PDE10A: variants seen among roughly 807,000 people sequenced by gnomAD.
PDE10A encodes the protein phosphodiesterase 10A, also known as cAMP and cAMP-inhibited cGMP 3',5'-cyclic phosphodiesterase 10A.
A neutral mutation model predicts 97.7 loss-of-function variants in PDE10A; 39 were observed. The ratio of observed to expected loss-of-function variants is 0.40; its 90% CI spans 0.31 to 0.52. The LOEUF is 0.52. PDE10A is among the 20% of genes least tolerant of loss of function. The pLI is 0.56. For synonymous variants in PDE10A, 371 were observed against 376.8 expected, an observed-to-expected ratio of 0.98 and a Z score of 0.18; for missense variants, 731 against 1,047.8, an observed-to-expected ratio of 0.70 and a Z score of 4.17.
chr6:165,763,676 A>G (rs753609039), intron 1 of PDE10A, among the ~76,000 whole-genome samples: 14 of 152,182 alleles, frequency 9.2e-5, no homozygotes, highest in South Asian at 8.3e-4. Flanking sequence ...TGTTTCCATC[A>G]TGTATGTCTA....
chr6:165,425,292 A>T (rs1397107324), intron 10 of PDE10A, among the ~76,000 whole-genome samples: 2 of 152,178 alleles, frequency 1.3e-5, no homozygotes, highest in East Asian at 3.8e-4. Flanking sequence ...TGAAGATATC[A>T]ATTCAAGTTT....
intron 1 of PDE10A, chr6:165,773,160 C>T (rs748370922): frequency 1.3e-5 from 2 of 152,190 alleles, no homozygotes; most frequent in Non-Finnish European, 2.9e-5. Flanking sequence ...TGGTCGCTTC[C>T]AACTTTGGCA....
chr6:165,750,449 G>T (rs2128455876), intron 1 of PDE10A, among the ~76,000 whole-genome samples: 1 of 152,264 alleles, frequency 6.6e-6, no homozygotes, highest in East Asian at 1.9e-4. Context: ...GGCCAGGCCA[G>T]CTGGGCTGCC....
At chr6:165,961,544 G>A (rs760698161) in intron 1 of PDE10A, among the ~76,000 whole-genome samples, 3 of 152,168 alleles carry the variant, frequency 2.0e-5, no homozygotes, top group African/African-American at 4.8e-5. Context: ...TGACGTCAGC[G>A]AGGGCTCCAC....
At chr6:165,875,734 T>TTTTTTTTTTTTTTTTTTTTTG (rs1781319973) in intron 1 of PDE10A, among the ~76,000 whole-genome samples, 1 of 121,694 alleles carries the variant, frequency 8.2e-6, no homozygotes, top group Non-Finnish European at 1.7e-5. Context: ...TTTTACTGTT[T>TTTTTTTTTTTTTTTTTTTTTG]TTTTTTTTTT....
At chr6:165,476,309 A>G (rs751024470) in intron 3 of PDE10A, among the ~76,000 whole-genome samples, 8 of 152,200 alleles carry the variant, frequency 5.3e-5, no homozygotes, top group Non-Finnish European at 2.9e-5. Context: ...CAAGATAATT[A>G]AAGAATTAAC....
At chr6:165,352,846 T>G (rs1782782831) in intron 18 of PDE10A, among the ~76,000 whole-genome samples, 2 of 152,120 alleles carry the variant, frequency 1.3e-5, no homozygotes, top group Non-Finnish European at 2.9e-5. Context: ...TAAGCTAGAC[T>G]TCATTAAAAA....
chr6:165,878,251 A>G (rs987844213), intron 1 of PDE10A, among the ~76,000 whole-genome samples: 3 of 152,220 alleles, frequency 2.0e-5, no homozygotes, highest in African/African-American at 4.8e-5. Context: ...TTAGATTTCT[A>G]TATCTTTGTT....
chr6:165,600,144 G>T (rs1331817213), intron 1 of PDE10A, among the ~76,000 whole-genome samples: 2 of 152,146 alleles, frequency 1.3e-5, no homozygotes, highest in African/African-American at 4.8e-5. Flanking sequence ...CCCCAAATGA[G>T]AATCTGACAC....
chr6:165,747,590 T>C (rs1032328573), intron 1 of PDE10A, among the ~76,000 whole-genome samples: 17 of 152,130 alleles, frequency 1.1e-4, no homozygotes, highest in Non-Finnish European at 1.3e-4. Flanking sequence ...ATCAAGTTTT[T>C]TTTTTTAATG....
At chr6:165,581,267 TC>T (rs894487423) in intron 1 of PDE10A, among the ~76,000 whole-genome samples, 2 of 152,042 alleles carry the variant, frequency 1.3e-5, no homozygotes, top group African/African-American at 2.4e-5. Flanking sequence ...ACAGAATGTG[TC>T]CCCCCAAAAT....
At chr6:165,898,982 C>T (rs1323225498) in intron 1 of PDE10A, among the ~76,000 whole-genome samples, 1 of 152,168 alleles carries the variant, frequency 6.6e-6, no homozygotes, top group African/African-American at 2.4e-5. Context: ...TTCGGGGACC[C>T]CATCAAGGCC....
chr6:165,655,560 G>A lies in PDE10A; in HGVS notation c.865+6387C>T, dbSNP rs1789904766. Among the ~76,000 whole-genome samples, 1 of 151,934 alleles carries A rather than the reference G, an allele frequency of 6.6e-6. No homozygotes were observed. The stretch of plus-strand genomic sequence containing the variant: ...TCCAAACACCTCCTGAACCACCGCG[G>A]CATTTTGCTTCTACCATCATCGCCG... On this transcript the variant is annotated intron_variant, in intron 1 of 21. Transcript: ENST00000539869. This position sits in a 1 kb window ranked among gnomAD's most constrained non-coding sequence, Gnocchi z 4.5.
At chr6:165,404,109 C>A (rs1430734394) in intron 13 of PDE10A, among the ~76,000 whole-genome samples, 1 of 152,140 alleles carries the variant, frequency 6.6e-6, no homozygotes, top group Non-Finnish European at 1.5e-5. Context: ...TCTGAGGTGA[C>A]AGATACCTCA....
intron 1 of PDE10A, among the ~76,000 whole-genome samples, chr6:165,721,737 C>T (rs533986046): frequency 1.2e-3 from 180 of 152,340 alleles, no homozygotes; most frequent in Middle Eastern, 3.4e-3. Flanking sequence ...TTTGTAGATT[C>T]ACTATCTGTG....
At chr6:165,983,256 T>C (rs559630832) in intron 1 of PDE10A, among the ~76,000 whole-genome samples, 3 of 152,344 alleles carry the variant, frequency 2.0e-5, no homozygotes, top group African/African-American at 7.2e-5. Context: ...ATGACCCATT[T>C]ACTATCCTAC....
chr6:165,868,093 AAACT>A (rs1306166853), intron 1 of PDE10A, among the ~76,000 whole-genome samples: 8 of 152,148 alleles, frequency 5.3e-5, no homozygotes, highest in African/African-American at 1.9e-4. Flanking sequence ...TCAAATAAAC[AAACT>A]AACAATGCAC....
chr6:165,661,995 T>A lies in PDE10A; in HGVS notation c.817A>T (p.Asn273Tyr). The A allele has an allele frequency of 7.0e-7, 1 of 1,429,186 alleles. No homozygotes were observed. Among genetic ancestry groups the A allele is most frequent in the Non-Finnish European group, 9.6e-7 (1 of 1,042,668 alleles). The allele number at this position is 1,429,186 out of a possible 1,614,324, so 88.5% of individuals were successfully genotyped here. A position where few individuals can be genotyped will look rare whatever the true frequency, so the allele number is the denominator to read the frequency against. Residue 273 changes from asparagine to tyrosine, a missense_variant, in exon 1 of 22, where the codon AAT (asparagine) becomes TAT (tyrosine). By Grantham distance (143) the Asn-to-Tyr change is moderately radical (BLOSUM62 -2). This residue lies in a region of PDE10A where 181 missense variants were observed against 159.1 expected (regional missense o/e 1.14). Transcript: ENST00000539869. This position sits in a 1 kb window ranked among gnomAD's most constrained non-coding sequence, Gnocchi z 4.8. ...AGCCTTCGGAAGCAGCTCGCATTAT[T>A]AGAAGGTCCATCTTCCATGTCGGAG... Reference protein sequence around the residue: ...FGSDMEDGPSNNASCFRRLTE... With the variant: ...FGSDMEDGPSYNASCFRRLTE...
At chr6:165,453,271 T>C (rs1353040274) in intron 3 of PDE10A, among the ~76,000 whole-genome samples, 1 of 152,168 alleles carries the variant, frequency 6.6e-6, no homozygotes, top group African/African-American at 2.4e-5. Context: ...GGAAGCAGAA[T>C]GGAAAGATTT....
Sources: allele counts gnomAD v4.1 joint callset (sites outside exome capture counted in the v4.1 genomes callset), GRCh38; gene constraint gnomAD v4.1.1; regional missense constraint gnomAD v4.1.1; non-coding constraint Gnocchi (gnomAD v3.1); transcripts MANE v1.5; gene names NCBI Gene and HGNC (gene_info 2026-07-23, HGNC 2026-07-21).